BCL2: variants seen among roughly 807,000 people sequenced by gnomAD.
BCL2 encodes the protein apoptosis regulator Bcl-2.
A neutral mutation model predicts 14.2 loss-of-function variants in BCL2; 1 was observed. The observed-to-expected ratio is 0.07, with a 90% CI of 0.02 to 0.33. The LOEUF (loss-of-function observed/expected upper bound fraction) is 0.33, where lower values mean the gene tolerates loss of function less well. Among genes scored for constraint, BCL2 ranks in the 10% least tolerant of loss-of-function variants. The pLI is 0.99. For missense variants in BCL2, 247 were observed against 305.9 expected (o/e 0.81, Z 1.44); for synonymous variants, 151 against 137.2 (o/e 1.10, Z -0.70).
chr18:63,203,685 C>T (rs1463966174), intron 2 of BCL2, among the ~76,000 whole-genome samples: 5 of 152,062 alleles, frequency 3.3e-5, no homozygotes, highest in East Asian at 1.9e-4. Flanking sequence ...CATATGCACA[C>T]GCACACACAC....
chr18:63,220,176 T>A (rs554836944), intron 2 of BCL2, among the ~76,000 whole-genome samples: 35 of 152,332 alleles, frequency 2.3e-4, no homozygotes, highest in African/African-American at 7.9e-4. Flanking sequence ...AAAACTTTTG[T>A]AAGGGATGAT....
intron 2 of BCL2, chr18:63,302,770 G>T (rs1415300512): frequency 1.0e-6 from 1 of 985,330 alleles, no homozygotes; most frequent in Non-Finnish European, 1.2e-6. Context: ...AGAATTTCGC[G>T]TTTAAGTTTC....
chr18:63,127,081 C>T lies in BCL2; in HGVS notation c.*1544G>A, dbSNP rs1231598958. On this transcript the variant is annotated 3_prime_UTR_variant, in exon 3 of 3. Transcript: ENST00000333681. ...ATGTACAGATAACCCCCATATTCCA[C>T]ACCTGGAACTTTTTTTTTGTCAGGT... is the stretch of plus-strand genomic sequence containing the variant. The T allele has an allele frequency of 4.4e-6, 1 of 227,814 alleles. No individual in the cohort carries two copies. Among genetic ancestry groups the T allele is most frequent in the Non-Finnish European group, 8.7e-6 (1 of 114,802 alleles). 14.1% of individuals were successfully genotyped at this position (227,814 alleles called of 1,614,324 possible).
chr18:63,148,462 A>C, intron 2 of BCL2, among the ~76,000 whole-genome samples: 1 of 152,372 alleles, frequency 6.6e-6, no homozygotes, highest in Non-Finnish European at 1.5e-5. Context: ...TGAGAAAAGA[A>C]TATAAGAAAA....
At chr18:63,172,684 G>A (rs1915253075) in intron 2 of BCL2, among the ~76,000 whole-genome samples, 1 of 152,212 alleles carries the variant, frequency 6.6e-6, no homozygotes, top group African/African-American at 2.4e-5. Flanking sequence ...GGGAGGCTGA[G>A]GCAGGAGAAT....
At chr18:63,203,806 G>A (rs1041438690) in intron 2 of BCL2, among the ~76,000 whole-genome samples, 1 of 152,146 alleles carries the variant, frequency 6.6e-6, no homozygotes, top group Non-Finnish European at 1.5e-5. Flanking sequence ...AAACACAACA[G>A]AAATGTAAAG....
intron 2 of BCL2, among the ~76,000 whole-genome samples, chr18:63,212,299 G>A (rs1910045406): frequency 1.3e-5 from 2 of 151,696 alleles, no homozygotes; most frequent in Non-Finnish European, 2.9e-5. Flanking sequence ...CTGCACTCCA[G>A]CCTGGGCGAC....
Position 63,128,115 on chromosome 18 carries a change from G to A in BCL2, c.*510C>T, listed in dbSNP as rs1466875082. ...GAACCCTCCCTCTGTTAATATCACA[G>A]CCCCCAGGGCAAAGAAATGCAAGTG... On this transcript the variant is annotated 3_prime_UTR_variant, in exon 3 of 3. Coordinates refer to ENST00000333681, the MANE Select transcript of BCL2 (RefSeq NM_000633.3). The A allele has an allele frequency of 4.4e-6, 1 of 228,192 alleles. No homozygotes were observed. 14.1% of individuals were successfully genotyped at this position (228,192 alleles called of 1,614,324 possible). A position where few individuals can be genotyped will look rare whatever the true frequency, so the allele number is the denominator to read the frequency against.
intron 2 of BCL2, among the ~76,000 whole-genome samples, chr18:63,229,978 GT>G (rs147936746): frequency 3.3e-5 from 5 of 149,782 alleles, no homozygotes; most frequent in East Asian, 1.9e-4. Context: ...GACAGCTCAA[GT>G]TTTTTTTTTA....
intron 2 of BCL2, among the ~76,000 whole-genome samples, chr18:63,141,689 T>A (rs1159639704): frequency 6.6e-6 from 1 of 152,192 alleles, no homozygotes; most frequent in East Asian, 1.9e-4. Context: ...TTGGAATAGA[T>A]CCACCAACTC....
At chr18:63,213,127 C>T (rs1352393658) in intron 2 of BCL2, among the ~76,000 whole-genome samples, 2 of 152,130 alleles carry the variant, frequency 1.3e-5, no homozygotes, top group Non-Finnish European at 2.9e-5. Context: ...GTTACTTTTG[C>T]TCCCATAACC....
Position 63,125,619 on chromosome 18 carries a change from T to G in BCL2, c.*3006A>C. Reference sequence around the variant, plus strand: ...TTAAGATGCAGATGTGAATCCCTCTTCAATACAAAATAGGGATGGTTCTCT... The same window carrying G: ...TTAAGATGCAGATGTGAATCCCTCTGCAATACAAAATAGGGATGGTTCTCT... On this transcript the variant is annotated 3_prime_UTR_variant, in exon 3 of 3. Transcript: ENST00000333681. 4.7e-6 allele frequency: 1 copy of G among 212,632 alleles called. No homozygotes were observed. Among genetic ancestry groups the G allele is most frequent in the African/African-American group, 2.3e-5 (1 of 44,284 alleles). The allele number at this position is 212,632 out of a possible 1,614,324, so 13.2% of individuals were successfully genotyped here.
intron 2 of BCL2, 116 bp from the exon 3 acceptor site, chr18:63,128,875 G>C: frequency 3.3e-6 from 2 of 604,792 alleles, no homozygotes; most frequent in South Asian, 4.3e-5. Context: ...CTTCAGAAGG[G>C]TGAGAGGGGA....
intron 2 of BCL2, among the ~76,000 whole-genome samples, chr18:63,178,785 A>G (rs766166662): frequency 2.0e-5 from 3 of 150,626 alleles, no homozygotes; most frequent in Non-Finnish European, 4.4e-5. Context: ...CCCACCCCCA[A>G]CCTCCCTGCT....
chr18:63,143,552 C>T (rs1035973055), intron 2 of BCL2, among the ~76,000 whole-genome samples: 7 of 152,248 alleles, frequency 4.6e-5, no homozygotes, highest in African/African-American at 1.2e-4. Flanking sequence ...CGCTCAGGAC[C>T]GGTCAGACAC....
In BCL2 at chr18:63,286,929, G is replaced by A. The variant is rs4987720; in HGVS notation, c.585+31153C>T. Among the ~76,000 whole-genome samples, 1,002 of 152,184 alleles carry A rather than the reference G, an allele frequency of 6.6e-3. 8 individuals are homozygous for A. Among genetic ancestry groups the A allele is most frequent in the African/African-American group, 0.023 (947 of 41,522 alleles). On this transcript the variant is annotated intron_variant, in intron 2 of 2. Coordinates refer to ENST00000333681, the MANE Select transcript of BCL2 (RefSeq NM_000633.3). The stretch of plus-strand genomic sequence containing the variant: ...ATTCAAAAGACACCTCCTACAACAC[G>A]GGTCTGAACTACAGGTCTCCCGAGG...
Position 63,127,721 on chromosome 18 carries a change from G to A in BCL2, c.*904C>T, listed in dbSNP as rs777893248. On this transcript the variant is annotated 3_prime_UTR_variant, in exon 3 of 3. Coordinates refer to ENST00000333681, the MANE Select transcript of BCL2 (RefSeq NM_000633.3). ...TGGGTAACTCTAGCCTTCCTGATGC[G>A]GAAGTCACCGAAATGTTCACTTCCT... The A allele has an allele frequency of 1.9e-4, 43 of 225,834 alleles. No homozygotes were observed. Among genetic ancestry groups the A allele is most frequent in the African/African-American group, 7.8e-4 (35 of 44,898 alleles). The allele number at this position is 225,834 out of a possible 1,614,324, so 14.0% of individuals were successfully genotyped here. A position where few individuals can be genotyped will look rare whatever the true frequency, so the allele number is the denominator to read the frequency against.
At chr18:63,196,285 T>C (rs1027900530) in intron 2 of BCL2, among the ~76,000 whole-genome samples, 6 of 152,226 alleles carry the variant, frequency 3.9e-5, no homozygotes, top group African/African-American at 7.2e-5. Flanking sequence ...TGTTAAAAAC[T>C]ATTTTCTTAG....
intron 2 of BCL2, among the ~76,000 whole-genome samples, chr18:63,168,500 G>A (rs1484320456): frequency 6.6e-6 from 1 of 152,226 alleles, no homozygotes. Context: ...TAGTCTCTGA[G>A]GTCATTCTTT....
Sources: gnomAD v4.1 joint callset for allele counts (sites outside exome capture counted in the v4.1 genomes callset) on GRCh38, gnomAD v4.1.1 for gene constraint, MANE v1.5 for transcripts, NCBI Gene and HGNC (gene_info 2026-07-23, HGNC 2026-07-21) for gene names.